DRAM2: variants seen among roughly 807,000 people sequenced by gnomAD.
The protein encoded by DRAM2 is DNA damage regulated autophagy modulator 2.
Under a neutral mutation model 33.5 loss-of-function variants are expected in DRAM2, and 26 were observed. The ratio of observed to expected loss-of-function variants is 0.78; its 90% confidence interval spans 0.57 to 1.08. The LOEUF is 1.08. DRAM2 is among the 50% of genes least tolerant of loss of function. The pLI is 0.00. For synonymous variants in DRAM2, 98 were observed against 109.5 expected, an observed-to-expected ratio of 0.89 and a Z score of 0.66; for missense variants, 311 against 318.1, an observed-to-expected ratio of 0.98 and a Z score of 0.17.
Position 111,117,229 on chromosome 1 carries a change from C to T in DRAM2, c.*931G>A, listed in dbSNP as rs924518743. The T allele has an allele frequency of 9.9e-5, 15 of 152,072 alleles. No homozygotes were observed. Among genetic ancestry groups the T allele is most frequent in the Non-Finnish European group, 2.9e-5 (2 of 67,962 alleles). The allele number at this position is 152,072 out of a possible 1,614,324, so 9.4% of individuals were successfully genotyped here. A position where few individuals can be genotyped will look rare whatever the true frequency, so the allele number is the denominator to read the frequency against. On this transcript the variant is annotated 3_prime_UTR_variant, in exon 10 of 10. Coordinates refer to ENST00000484310, the MANE Select transcript of DRAM2 (RefSeq NM_001349884.2). ...TTTGTTCTTTAGAATTTGGGCTCTA[C>T]AAAGGTTACATCCTATTAAAAAGGC...
intron 4 of DRAM2, among the ~76,000 whole-genome samples, chr1:111,130,802 C>A (rs941969521): frequency 6.6e-6 from 1 of 151,448 alleles, no homozygotes; most frequent in Non-Finnish European, 1.5e-5. Flanking sequence ...CAAGAGCAGC[C>A]TGACCAACAT....
rs758713432 is a variant in DRAM2, at chr1:111,120,601, G to C, written c.432C>G (p.Tyr144Ter). ...TGCCATGGATTTTGGGCTGCATTTGGTAGGAAAGGATGGTCTGAACAAACA... is the reference window on the plus strand; with the variant it reads ...TGCCATGGATTTTGGGCTGCATTTGCTAGGAAAGGATGGTCTGAACAAACA... ...LYMFVQTILS[Y>*]QMQPKIHGKQ... is the part of the protein sequence containing the mutation. Residue 144 changes from tyrosine to a stop codon, truncating the protein, a stop_gained, in exon 7 of 10, where the codon TAC becomes TAG. Coordinates refer to ENST00000484310, the MANE Select transcript of DRAM2 (RefSeq NM_001349884.2). LOFTEE classifies it high-confidence loss of function. The C allele has an allele frequency of 6.2e-7, 1 of 1,612,002 alleles. No homozygotes were observed. Among genetic ancestry groups the C allele is most frequent in the Non-Finnish European group, 8.5e-7 (1 of 1,178,806 alleles).
chr1:111,120,555 G>A lies in DRAM2; in HGVS notation c.478C>T (p.Leu160=). 1 of 1,611,876 alleles carries A rather than the reference G, an allele frequency of 6.2e-7. No individual in the cohort carries two copies. Among genetic ancestry groups the A allele is most frequent in the East Asian group, 2.2e-5 (1 of 44,796 alleles). ...IHGKQVFWIR[L]LLVIWCGVSA... Reference sequence around the variant, plus strand: ...ACTCCACACCAGATAACCAACAACAGTCTGATCCAGAAGACTTGTTTGCCA... The same window carrying A: ...ACTCCACACCAGATAACCAACAACAATCTGATCCAGAAGACTTGTTTGCCA... The change falls in exon 7 of 10, where the codon CTG becomes TTG. Residue 160 remains leucine (L), a synonymous_variant. Coordinates refer to ENST00000484310, the MANE Select transcript of DRAM2 (RefSeq NM_001349884.2).
At chr1:111,121,602 T>G (rs1292592958) in intron 6 of DRAM2, among the ~76,000 whole-genome samples, 1 of 152,210 alleles carries the variant, frequency 6.6e-6, no homozygotes, top group East Asian at 1.9e-4. Flanking sequence ...GTTATTTTTC[T>G]GAACAACATA....
At chr1:111,125,893 G>A (rs957453867) in intron 5 of DRAM2, among the ~76,000 whole-genome samples, 14 of 152,102 alleles carry the variant, frequency 9.2e-5, no homozygotes, top group Admixed American at 5.9e-4. Flanking sequence ...TAGGATTAGC[G>A]GTGGTCAGCT....
intron 6 of DRAM2, among the ~76,000 whole-genome samples, chr1:111,121,842 A>G (rs1002394896): frequency 5.9e-5 from 9 of 152,126 alleles, no homozygotes; most frequent in Non-Finnish European, 1.3e-4. Context: ...ACAATGGTGA[A>G]CGTTTCGAAA....
intron 5 of DRAM2, among the ~76,000 whole-genome samples, 190 bp from the exon 6 acceptor site, chr1:111,125,071 C>T (rs958506635): frequency 6.6e-6 from 1 of 151,434 alleles, no homozygotes; most frequent in African/African-American, 2.4e-5. Flanking sequence ...AAAATGGGGT[C>T]TCTCTATGTT....
intron 3 of DRAM2, among the ~76,000 whole-genome samples, chr1:111,133,140 G>A (rs56273250): frequency 0.15 from 21,964 of 150,832 alleles, 1,907 homozygotes; most frequent in South Asian, 0.28. Flanking sequence ...TCCTTAACGT[G>A]GTCCATAAGG....
rs543879013 is a variant in DRAM2, at chr1:111,137,184, G to A, written c.-15+339C>T. ...AGGAGAATGGTGTGAACCCCGGGGGGCGGAGCCTGCAGTGAGCCGAGATCG... is the reference window on the plus strand; with the variant it reads ...AGGAGAATGGTGTGAACCCCGGGGGACGGAGCCTGCAGTGAGCCGAGATCG... On this transcript the variant is annotated intron_variant, in intron 3 of 9. Coordinates refer to ENST00000484310, the MANE Select transcript of DRAM2 (RefSeq NM_001349884.2). Among the ~76,000 whole-genome samples the A allele has an allele frequency of 6.6e-5, 10 of 150,968 alleles. No homozygotes were observed. In the East Asian group the frequency reaches 9.7e-4, roughly 15 times the overall value.
rs200318036 is a variant in DRAM2 at position 111,120,381 on chromosome 1, C to CAAAAA, written c.517+130_517+134dup. On this transcript the variant is annotated intron_variant, in intron 7 of 9. Coordinates refer to ENST00000484310, the MANE Select transcript of DRAM2 (RefSeq NM_001349884.2). ...ATTGTGAACCTAAGAATCTCTCCTA[C>CAAAAA]AAAAAAAAAAAAAAAAAAAAAAAAA... The CAAAAA allele has an allele frequency of 5.5e-4, 96 of 173,190 alleles. 1 individual carries two copies. The highest frequency in any genetic ancestry group is 6.8e-4 in the Non-Finnish European group (73 of 106,908). The allele number at this position is 173,190 out of a possible 1,614,324, so 10.7% of individuals were successfully genotyped here. A position where few individuals can be genotyped will look rare whatever the true frequency, so the allele number is the denominator to read the frequency against.
Position 111,118,197 on chromosome 1 carries a change from T to C in DRAM2, c.764A>G (p.Asn255Ser). 1 of 1,613,190 alleles carries C rather than the reference T, an allele frequency of 6.2e-7. No individual in the cohort carries two copies. Residue 255 changes from asparagine to serine, a missense_variant, in exon 10 of 10, where the codon AAC (asparagine) becomes AGC (serine). Physicochemically the swap from Asn to Ser is conservative, Grantham distance 46. Transcript: ENST00000484310. Reference sequence around the variant, plus strand: ...GGAAAGTAGCCGTGTTCGTTCATTGTTAATAGGGCAAGGTGCAGTGTCATA... The same window carrying C: ...GGAAAGTAGCCGTGTTCGTTCATTGCTAATAGGGCAAGGTGCAGTGTCATA... ...TLYDTAPCPINNERTRLLSRD... is the reference protein window; with the variant it reads ...TLYDTAPCPISNERTRLLSRD...
Position 111,137,163 on chromosome 1 carries a change from G to A in DRAM2, c.-15+360C>T, listed in dbSNP as rs1653379564. ...AGCTACTCGGGACGCTGAGGCAGGAGAATGGTGTGAACCCCGGGGGGCGGA... is the reference window on the plus strand; with the variant it reads ...AGCTACTCGGGACGCTGAGGCAGGAAAATGGTGTGAACCCCGGGGGGCGGA... On this transcript the variant is annotated intron_variant, in intron 3 of 9. Transcript: ENST00000484310. Among the ~76,000 whole-genome samples the A allele has an allele frequency of 2.7e-5, 4 of 146,870 alleles. No homozygotes were observed. In the Admixed American group the frequency reaches 2.8e-4, roughly 10 times the overall value.
chr1:111,127,651 T>C (rs1332672439), intron 4 of DRAM2, among the ~76,000 whole-genome samples: 1 of 152,230 alleles, frequency 6.6e-6, no homozygotes, highest in Non-Finnish European at 1.5e-5. Flanking sequence ...TGTATATGTA[T>C]TATTCTTAGA....
At chr1:111,135,198 A>C (rs928718787) in intron 3 of DRAM2, among the ~76,000 whole-genome samples, 6 of 152,244 alleles carry the variant, frequency 3.9e-5, no homozygotes, top group African/African-American at 1.4e-4. Flanking sequence ...GGAAATACTT[A>C]AACTTTATTC....
At chr1:111,138,935 AGTG>A (rs1283206051) in intron 2 of DRAM2, 1 of 152,220 alleles carries the variant, frequency 6.6e-6, no homozygotes, top group Non-Finnish European at 1.5e-5. Flanking sequence ...GTCTTCGCCA[AGTG>A]GTGAATGCTA....
chr1:111,124,652 A>C, intron 6 of DRAM2, 90 bp downstream of exon 6: 1 of 1,381,160 alleles, frequency 7.2e-7, no homozygotes, highest in Non-Finnish European at 9.9e-7. Flanking sequence ...AGAAATAACA[A>C]CAGCATGTAA....
intron 4 of DRAM2, among the ~76,000 whole-genome samples, chr1:111,129,718 T>A (rs946386290): frequency 6.6e-6 from 1 of 152,188 alleles, no homozygotes; most frequent in Non-Finnish European, 1.5e-5. Flanking sequence ...TTCATTATAG[T>A]ACTGTTTGTA....
At chr1:111,129,226 A>T (rs1264551457) in intron 4 of DRAM2, among the ~76,000 whole-genome samples, 1 of 152,222 alleles carries the variant, frequency 6.6e-6, no homozygotes, top group African/African-American at 2.4e-5. Flanking sequence ...GAAGGTAAAC[A>T]AATGAATAAA....
chr1:111,125,780 TA>T (rs1650892861), intron 5 of DRAM2: 1 of 153,100 alleles, frequency 6.5e-6, no homozygotes, highest in Non-Finnish European at 1.5e-5. Flanking sequence ...AATACTTCAG[TA>T]GCAACTCTAT....
Sources: allele counts gnomAD v4.1 joint callset (sites outside exome capture counted in the v4.1 genomes callset), GRCh38; gene constraint gnomAD v4.1.1; transcripts MANE v1.5; gene names NCBI Gene and HGNC (gene_info 2026-07-23, HGNC 2026-07-21).